Variants in CCDC91 observed in about 807,000 individuals in gnomAD.
CCDC91 encodes the protein coiled-coil domain-containing protein 91.
A neutral mutation model predicts 63.2 loss-of-function variants in CCDC91; 48 were observed. The observed-to-expected ratio is 0.76, with a 90% CI of 0.60 to 0.97. The LOEUF is 0.97. Ranked by LOEUF, CCDC91 falls within the 50% of genes least tolerant of loss-of-function variation. The pLI is 0.00. For missense variants in CCDC91, 500 were observed against 494.6 expected, an observed-to-expected ratio of 1.01 and a Z score of -0.10; for synonymous variants, 167 against 165.8, an observed-to-expected ratio of 1.01 and a Z score of -0.06.
At chr12:28,289,142 G>A (rs1476143201) in intron 3 of CCDC91, among the ~76,000 whole-genome samples, 1 of 150,846 alleles carries the variant, frequency 6.6e-6, no homozygotes, top group Non-Finnish European at 1.5e-5. Flanking sequence ...TGTTGGATTC[G>A]TTGATCTTTT....
intron 11 of CCDC91, among the ~76,000 whole-genome samples, chr12:28,477,563 G>T (rs1254670385): frequency 1.3e-5 from 2 of 152,132 alleles, no homozygotes; most frequent in South Asian, 2.1e-4. Context: ...GCACAAGACA[G>T]GGATGCCCTC....
At chr12:28,532,855 C>G (rs988406768) in intron 12 of CCDC91, among the ~76,000 whole-genome samples, 1 of 152,000 alleles carries the variant, frequency 6.6e-6, no homozygotes, top group Non-Finnish European at 1.5e-5. Flanking sequence ...TTAGTTTTCT[C>G]TATTTCATAT....
chr12:28,508,284 T>C (rs1435001720), intron 12 of CCDC91, among the ~76,000 whole-genome samples: 6 of 151,928 alleles, frequency 3.9e-5, no homozygotes, highest in African/African-American at 7.2e-5. Context: ...TAACTCCTGC[T>C]ACAGCTGTTC....
intron 11 of CCDC91, among the ~76,000 whole-genome samples, chr12:28,474,307 A>C (rs887850709): frequency 7.2e-5 from 11 of 152,288 alleles, no homozygotes; most frequent in African/African-American, 2.6e-4. Flanking sequence ...ATGGCACTCA[A>C]ATGCCGCCAA....
At chr12:28,483,966 G>A in intron 11 of CCDC91, 86 bp from the exon 12 acceptor site, 1 of 687,094 alleles carries the variant, frequency 1.5e-6, no homozygotes, top group Middle Eastern at 2.5e-4. Context: ...GAAACCCGCT[G>A]AAGAGGATGT....
intron 8 of CCDC91, among the ~76,000 whole-genome samples, chr12:28,405,047 A>C (rs1309990811): frequency 6.6e-6 from 1 of 151,558 alleles, no homozygotes; most frequent in Admixed American, 6.6e-5. Context: ...CATATTTGTT[A>C]TTCTTTTCTA....
At chr12:28,470,505 G>A (rs10771430) in intron 11 of CCDC91, among the ~76,000 whole-genome samples, 111,284 of 151,974 alleles carry the variant, frequency 0.73, 41,175 homozygotes, top group Middle Eastern at 0.79. Flanking sequence ...AATTAGTACA[G>A]CCACTGTGGA....
chr12:28,394,052 A>T (rs1372810743), intron 8 of CCDC91, among the ~76,000 whole-genome samples: 3 of 152,248 alleles, frequency 2.0e-5, no homozygotes, highest in African/African-American at 7.2e-5. Context: ...GAAATTTAAA[A>T]TGACGTAACG....
At chr12:28,499,813 ATG>A (rs1290555361) in intron 12 of CCDC91, among the ~76,000 whole-genome samples, 1 of 152,106 alleles carries the variant, frequency 6.6e-6, no homozygotes. Flanking sequence ...ATATGTGTGC[ATG>A]TGTCTTTATA....
intron 6 of CCDC91, 60 bp downstream of exon 6, chr12:28,307,809 T>C: frequency 2.3e-6 from 2 of 855,394 alleles, no homozygotes; most frequent in Non-Finnish European, 3.8e-6. Flanking sequence ...TGTGCTATAA[T>C]TTCAAAAAGT....
chr12:28,381,565 T>G (rs1220039241), intron 7 of CCDC91, among the ~76,000 whole-genome samples: 1 of 152,154 alleles, frequency 6.6e-6, no homozygotes, highest in Non-Finnish European at 1.5e-5. Context: ...TTTTCGGTAA[T>G]TTGACTGTCA....
chr12:28,338,418 G>A (rs80129424), intron 6 of CCDC91, among the ~76,000 whole-genome samples: 13 of 151,796 alleles, frequency 8.6e-5, no homozygotes, highest in Non-Finnish European at 1.5e-4. Context: ...TGCTTCACCC[G>A]TGAATCTTGA....
chr12:28,367,081 A>G (rs1380430860), intron 7 of CCDC91, among the ~76,000 whole-genome samples: 1 of 152,224 alleles, frequency 6.6e-6, no homozygotes, highest in African/African-American at 2.4e-5. Context: ...TACTCATATC[A>G]GGAACCAAGA....
intron 6 of CCDC91, among the ~76,000 whole-genome samples, chr12:28,347,818 A>G (rs561696147): frequency 2.0e-5 from 3 of 152,230 alleles, no homozygotes; most frequent in African/African-American, 4.8e-5. Flanking sequence ...TGCAGTTGTT[A>G]TATCAGTGTA....
At chr12:28,322,532 C>G (rs1940610930) in intron 6 of CCDC91, among the ~76,000 whole-genome samples, 1 of 151,730 alleles carries the variant, frequency 6.6e-6, no homozygotes, top group African/African-American at 2.4e-5. Context: ...ACTCTCAAGT[C>G]ATAAGTTTCC....
intron 1 of CCDC91, among the ~76,000 whole-genome samples, chr12:28,213,637 T>C (rs969189395): frequency 6.6e-6 from 1 of 152,238 alleles, no homozygotes; most frequent in Non-Finnish European, 1.5e-5. Context: ...TTCCTTTCCC[T>C]GCATGCATTG....
intron 1 of CCDC91, among the ~76,000 whole-genome samples, chr12:28,201,077 A>C (rs1212641568): frequency 8.1e-6 from 1 of 123,046 alleles, no homozygotes; most frequent in African/African-American, 3.2e-5. Flanking sequence ...TAGAGGCGGC[A>C]GGGCAGAGGC....
At chr12:28,226,000 G>A (rs1368099352) in intron 1 of CCDC91, 1 of 152,216 alleles carries the variant, frequency 6.6e-6, no homozygotes, top group Admixed American at 6.5e-5. Flanking sequence ...CCAGAGCCAA[G>A]GGAATTAGAA....
intron 8 of CCDC91, among the ~76,000 whole-genome samples, chr12:28,420,979 C>G (rs1450825401): frequency 6.6e-6 from 1 of 151,888 alleles, no homozygotes; most frequent in Non-Finnish European, 1.5e-5. Flanking sequence ...GTAATTATAT[C>G]CATGTGTTAC....
Sources: allele counts gnomAD v4.1 joint callset (sites outside exome capture counted in the v4.1 genomes callset), GRCh38; gene constraint gnomAD v4.1.1; transcripts MANE v1.5; gene names NCBI Gene and HGNC (gene_info 2026-07-23, HGNC 2026-07-21).